The following IRF8 variants were observed in gnomAD, a reference collection of about 807,000 sequenced individuals.
IRF8 encodes the protein interferon regulatory factor 8, also known as interferon consensus sequence binding protein 1.
In IRF8, 14 loss-of-function variants were observed where a neutral mutation model predicts 48.7. The ratio of observed to expected loss-of-function variants is 0.29; its 90% confidence interval spans 0.19 to 0.45. IRF8 has a LOEUF of 0.45. IRF8 is among the 20% of genes least tolerant of loss of function. IRF8 has a pLI of 1.00. For synonymous variants in IRF8, 278 were observed against 227.3 expected (o/e 1.22, Z -2.01); for missense variants, 493 against 580.7 (o/e 0.85, Z 1.55).
In IRF8 at chr16:85,922,254, G is replaced by A. The variant is rs1567479741; in HGVS notation, c.*972G>A. 1 of 152,322 alleles carries A rather than the reference G, an allele frequency of 6.6e-6. No individual in the cohort carries two copies. Among genetic ancestry groups the A allele is most frequent in the Admixed American group, 6.5e-5 (1 of 15,280 alleles). 9.4% of individuals were successfully genotyped at this position (152,322 alleles called of 1,614,324 possible). The stretch of plus-strand genomic sequence containing the variant: ...TGGATTTGTGACTGTGAGAGTTTCC[G>A]GTTTAAAATCTGAAAAGCCAGATAT... On this transcript the variant is annotated 3_prime_UTR_variant, in exon 9 of 9. Coordinates refer to ENST00000268638, the MANE Select transcript of IRF8 (RefSeq NM_002163.4).
intron 6 of IRF8, 140 bp from the exon 7 acceptor site, chr16:85,918,277 A>T (rs1905386217): frequency 2.1e-6 from 2 of 951,618 alleles, no homozygotes; most frequent in East Asian, 4.9e-5. Flanking sequence ...CAAGCAGTAC[A>T]TGGATTTCCC....
chr16:85,902,978 T>C (rs1904872810), intron 1 of IRF8, 37 bp from the exon 2 acceptor site: 1 of 1,611,864 alleles, frequency 6.2e-7, no homozygotes, highest in African/African-American at 1.3e-5. Context: ...TGAGACAATA[T>C]CCGTAATATC....
chr16:85,912,863 A>C (rs968761775), intron 4 of IRF8, among the ~76,000 whole-genome samples: 2 of 152,212 alleles, frequency 1.3e-5, no homozygotes, highest in African/African-American at 4.8e-5. Flanking sequence ...CTGGGTCTGC[A>C]ACAGGCAGGT....
At chr16:85,902,445 C>T (rs1208458663) in intron 1 of IRF8, among the ~76,000 whole-genome samples, 3 of 152,312 alleles carry the variant, frequency 2.0e-5, no homozygotes, top group East Asian at 1.9e-4. Context: ...AATGAGATCG[C>T]GGTTCTGTCT....
chr16:85,919,605 A>G (rs991165131), intron 7 of IRF8, among the ~76,000 whole-genome samples: 1 of 152,204 alleles, frequency 6.6e-6, no homozygotes, highest in Admixed American at 6.5e-5. Flanking sequence ...TGCAATGTAC[A>G]TTCCCGGGCC....
At chr16:85,902,951 T>C in intron 1 of IRF8, 64 bp from the exon 2 acceptor site, 1 of 1,570,972 alleles carries the variant, frequency 6.4e-7, no homozygotes, top group African/African-American at 1.3e-5. Flanking sequence ...TAGCAGTTTT[T>C]GGGTTGCTGT....
rs1905572529 is a variant in IRF8 at position 85,921,572 on chromosome 16, G to T, written c.*290G>T. 2.4e-6 allele frequency: 1 copy of T among 419,064 alleles called. No homozygotes were observed. The highest frequency in any genetic ancestry group is 2.4e-5 in the South Asian group (1 of 41,824). 26.0% of individuals were successfully genotyped at this position (419,064 alleles called of 1,614,324 possible). A position where few individuals can be genotyped will look rare whatever the true frequency, so the allele number is the denominator to read the frequency against. ...ATCATTAGTTGCTATGATTCTTTCT[G>T]CATTTTCGGTTAACTATCATTTCCA... On this transcript the variant is annotated 3_prime_UTR_variant, in exon 9 of 9. Transcript: ENST00000268638.
intron 5 of IRF8, 69 bp downstream of exon 5, chr16:85,913,305 G>A: frequency 9.3e-7 from 1 of 1,078,816 alleles, no homozygotes; most frequent in Non-Finnish European, 1.4e-6. Context: ...CACCAGCCAG[G>A]GACGGAGTGG....
intron 1 of IRF8, among the ~76,000 whole-genome samples, chr16:85,899,446 T>G (rs1904751133): frequency 6.6e-6 from 1 of 152,240 alleles, no homozygotes; most frequent in Admixed American, 6.5e-5. Flanking sequence ...TTCCAAAGAT[T>G]GGTAGATAGA....
In IRF8 at chr16:85,911,509, T is replaced by G. The variant is rs529689757; in HGVS notation, c.359-61T>G. 1.5e-4 allele frequency: 203 copies of G among 1,361,642 alleles called. 4 individuals carry two copies. In the South Asian group the frequency reaches 1.7e-3, roughly 11 times the overall value. 84.3% of individuals were successfully genotyped at this position (1,361,642 alleles called of 1,614,324 possible). On this transcript the variant is annotated intron_variant, in intron 3 of 8. Coordinates refer to ENST00000268638, the MANE Select transcript of IRF8 (RefSeq NM_002163.4). ...CAGCATTTACAGAGTAGATTATGGC[T>G]TCAGCAAAGGCTGTGATGCCTCCGT...
chr16:85,903,384 A>G, intron 2 of IRF8, 195 bp downstream of exon 2: 1 of 605,614 alleles, frequency 1.7e-6, no homozygotes, highest in Non-Finnish European at 2.9e-6. Context: ...TGAATTACGG[A>G]GTCACTTTTG....
intron 3 of IRF8, 52 bp downstream of exon 3, chr16:85,909,225 G>A: frequency 6.6e-7 from 1 of 1,511,160 alleles, no homozygotes; most frequent in Non-Finnish European, 9.2e-7. Context: ...CTGGCCTGTA[G>A]CCTTCACCAC....
chr16:85,899,891 C>G (rs913703355), intron 1 of IRF8, among the ~76,000 whole-genome samples: 2 of 152,190 alleles, frequency 1.3e-5, no homozygotes, highest in Admixed American at 1.3e-4. Context: ...AGATGTGTTA[C>G]TTACCCAGAG....
rs1457551710 is a variant in IRF8, at chr16:85,918,499, C to T, written c.684C>T (p.Arg228=). 6.3e-7 allele frequency: 1 copy of T among 1,594,202 alleles called. No homozygotes were observed. The highest frequency in any genetic ancestry group is 8.5e-7 in the Non-Finnish European group (1 of 1,175,262). Residue 228 remains arginine (R), a synonymous_variant, in exon 7 of 9, where the codon CGC becomes CGT. Coordinates refer to ENST00000268638, the MANE Select transcript of IRF8 (RefSeq NM_002163.4). ...QATTTCPEGC[R]LSLSQPGLPG... The stretch of plus-strand genomic sequence containing the variant: ...CCACCACCTGCCCCGAGGGCTGCCG[C>T]CTGTCCCTGAGCCAGCCTGGGCTGC...
At chr16:85,919,540 G>T (rs1407604758) in intron 7 of IRF8, among the ~76,000 whole-genome samples, 1 of 152,212 alleles carries the variant, frequency 6.6e-6, no homozygotes, top group Non-Finnish European at 1.5e-5. Flanking sequence ...TAGTGAGGAG[G>T]TGTGAGGCCG....
Position 85,913,473 on chromosome 16 carries a change from C to T in IRF8, c.553+237C>T, listed in dbSNP as rs778005169. Among the ~76,000 whole-genome samples, 4 of 152,084 alleles carry T rather than the reference C, an allele frequency of 2.6e-5. No individual in the cohort carries two copies. The South Asian group carries it at 6.2e-4, about 24-fold the overall frequency. Reference sequence around the variant, plus strand: ...CTCAGGAGGGCACAAGCTGCTTGTTCCCTAGGTGATGTCCATGCCAGCTCT... The same window carrying T: ...CTCAGGAGGGCACAAGCTGCTTGTTTCCTAGGTGATGTCCATGCCAGCTCT... On this transcript the variant is annotated intron_variant, in intron 5 of 8. Transcript: ENST00000268638.
At chr16:85,909,518 A>G (rs1905086991) in intron 3 of IRF8, 1 of 346,140 alleles carries the variant, frequency 2.9e-6, no homozygotes, top group Non-Finnish European at 5.6e-6. Context: ...AAATATGGTG[A>G]CCACAGAAGG....
intron 5 of IRF8, 44 bp from the exon 6 acceptor site, chr16:85,914,429 C>G (rs1442102777): frequency 6.2e-7 from 1 of 1,613,462 alleles, no homozygotes; most frequent in Non-Finnish European, 8.5e-7. Context: ...CCCTGTACAC[C>G]ACACCTGGGT....
rs117988294 is a variant in IRF8 at position 85,906,787 on chromosome 16, A to G, written c.175-2203A>G. ...CCAGGGAATACTTGGCCATGTTTGG[A>G]GACCTTTTTTGGTTGTCACAGCTAG... On this transcript the variant is annotated intron_variant, in intron 2 of 8. Coordinates refer to ENST00000268638, the MANE Select transcript of IRF8 (RefSeq NM_002163.4). Among the ~76,000 whole-genome samples the G allele has an allele frequency of 8.0e-3, 1,223 of 152,114 alleles. 9 individuals are homozygous for G. Among genetic ancestry groups the G allele is most frequent in the Non-Finnish European group, 9.5e-3 (644 of 67,994 alleles).
Sources: gnomAD v4.1 joint callset for allele counts (sites outside exome capture counted in the v4.1 genomes callset) on GRCh38, gnomAD v4.1.1 for gene constraint, MANE v1.5 for transcripts, NCBI Gene and HGNC (gene_info 2026-07-23, HGNC 2026-07-21) for gene names.